CHD6: variants seen among roughly 807,000 people sequenced by gnomAD.
The protein encoded by CHD6 is ATP-dependent chromatin remodeler CHD6.
CHD6 carries 50 observed loss-of-function variants against 276.9 expected under a neutral mutation model. The observed-to-expected ratio is 0.18, with a 90% confidence interval of 0.14 to 0.23. CHD6 has a LOEUF of 0.23. Among genes scored for constraint, CHD6 ranks in the 10% least tolerant of loss-of-function variants. CHD6 has a pLI of 1.00. For synonymous variants in CHD6, 1,173 were observed against 1,229.3 expected (o/e 0.95, Z 0.96); for missense variants, 2,564 against 3,365.8 (o/e 0.76, Z 5.89).
intron 27 of CHD6, among the ~76,000 whole-genome samples, chr20:41,426,550 T>C (rs2047371612): frequency 6.6e-6 from 1 of 152,236 alleles, no homozygotes; most frequent in Non-Finnish European, 1.5e-5. Context: ...TGTGCCTGCA[T>C]TTCTGTTCTT....
Position 41,412,171 on chromosome 20 carries a change from AG to A in CHD6, c.7223del (p.Pro2408LeufsTer9). 6.2e-7 allele frequency: 1 copy of A among 1,614,216 alleles called. No individual in the cohort carries two copies. Among genetic ancestry groups the A allele is most frequent in the Non-Finnish European group, 8.5e-7 (1 of 1,180,022 alleles). ...TCAGTCCTGGCTCCTTGGGGATGGC[AG>A]GAACTCTCTCTTCCCCGCTCAGGGA... ...VSSLSGEERVPAIPKEPGLRG... is the reference protein window; with the variant it reads ...VSSLSGEERVXAIPKEPGLRG... On this transcript the variant is annotated frameshift_variant, in exon 36 of 37. Coordinates refer to ENST00000373233, the MANE Select transcript of CHD6 (RefSeq NM_032221.5). LOFTEE classifies it high-confidence loss of function.
chr20:41,409,354 C>A (rs575418043), intron 36 of CHD6, among the ~76,000 whole-genome samples: 23 of 152,260 alleles, frequency 1.5e-4, no homozygotes, highest in Middle Eastern at 3.4e-3. Context: ...GAAAGGCCTG[C>A]GGAGGGGGCA....
intron 1 of CHD6, among the ~76,000 whole-genome samples, chr20:41,582,118 TCTCAA>T (rs2045546985): frequency 6.6e-6 from 1 of 152,066 alleles, no homozygotes; most frequent in Admixed American, 6.5e-5. Context: ...CATTAAATAA[TCTCAA>T]CTCAATTCAA....
In CHD6 at chr20:41,560,787, A is replaced by G. The variant is rs189392600; in HGVS notation, c.-23-9427T>C. On this transcript the variant is annotated intron_variant, in intron 1 of 36. Transcript: ENST00000373233. ...GTATTCTTCCTTCACACCTTTTCAA[A>G]TACATGTACTTAGCTTAAGAATTCA... 1.4e-3 allele frequency among the ~76,000 whole-genome samples: 212 copies of G among 151,602 alleles called. 1 individual carries two copies. In the Middle Eastern group the frequency reaches 0.02, roughly 15 times the overall value.
chr20:41,413,295 G>A (rs2046897418), intron 35 of CHD6, 29 bp downstream of exon 35: 1 of 1,508,798 alleles, frequency 6.6e-7, no homozygotes, highest in African/African-American at 1.4e-5. Context: ...AGTAAACAGT[G>A]ATCTCAGGCA....
chr20:41,558,139 T>C (rs573280113), intron 1 of CHD6, among the ~76,000 whole-genome samples: 1 of 152,180 alleles, frequency 6.6e-6, no homozygotes, highest in African/African-American at 2.4e-5. Context: ...ATCCCCCAAC[T>C]TCCCATTTCC....
chr20:41,572,531 T>C (rs1366358202), intron 1 of CHD6, among the ~76,000 whole-genome samples: 1 of 152,130 alleles, frequency 6.6e-6, no homozygotes, highest in Non-Finnish European at 1.5e-5. Flanking sequence ...CATGTACCAC[T>C]TCCCTCTGCA....
At chr20:41,474,953 T>G (rs989670363) in intron 16 of CHD6, among the ~76,000 whole-genome samples, 1 of 152,170 alleles carries the variant, frequency 6.6e-6, no homozygotes, top group Non-Finnish European at 1.5e-5. Flanking sequence ...TTCCTCTTTA[T>G]TTAAAATTAT....
intron 16 of CHD6, among the ~76,000 whole-genome samples, chr20:41,478,034 T>C (rs1382624757): frequency 1.3e-5 from 2 of 152,090 alleles, no homozygotes; most frequent in Non-Finnish European, 2.9e-5. Flanking sequence ...CACAATTAGC[T>C]CTAAATACAG....
chr20:41,585,511 CAAA>C (rs60920576), intron 1 of CHD6, among the ~76,000 whole-genome samples: 2 of 74,246 alleles, frequency 2.7e-5, no homozygotes, highest in African/African-American at 4.1e-5. Context: ...TCCGTCTCAC[CAAA>C]AAAAAAAAAA....
intron 2 of CHD6, among the ~76,000 whole-genome samples, chr20:41,537,319 C>A (rs2044853307): frequency 6.6e-6 from 1 of 152,012 alleles, no homozygotes; most frequent in Non-Finnish European, 1.5e-5. Flanking sequence ...GACAATACAA[C>A]AATAAAAATA....
intron 5 of CHD6, among the ~76,000 whole-genome samples, chr20:41,501,272 G>A (rs569852943): frequency 2.0e-5 from 3 of 152,272 alleles, no homozygotes; most frequent in South Asian, 4.2e-4. Flanking sequence ...TAGTTACTGA[G>A]GTATGGCATA....
At chr20:41,540,752 G>A (rs2044925925) in intron 2 of CHD6, among the ~76,000 whole-genome samples, 1 of 152,186 alleles carries the variant, frequency 6.6e-6, no homozygotes, top group African/African-American at 2.4e-5. Context: ...GCAGGGAGAA[G>A]ATGGTGTTCT....
chr20:41,404,453 A>G lies in CHD6; in HGVS notation c.*140T>C, dbSNP rs994715989. ...CCTGCAACTATTAACATCTGTTACC[A>G]TAGTTCTCAGACAGGAAATCAGGTA... is the stretch of plus-strand genomic sequence containing the variant. On this transcript the variant is annotated 3_prime_UTR_variant, in exon 37 of 37. Coordinates refer to ENST00000373233, the MANE Select transcript of CHD6 (RefSeq NM_032221.5). 1.5e-6 allele frequency: 2 copies of G among 1,361,414 alleles called. No individual in the cohort carries two copies. The highest frequency in any genetic ancestry group is 1.5e-5 in the African/African-American group (1 of 68,926). 84.3% of individuals were successfully genotyped at this position (1,361,414 alleles called of 1,614,324 possible).
At chr20:41,448,019 G>C in intron 23 of CHD6, 48 bp from the exon 24 acceptor site, 1 of 1,106,276 alleles carries the variant, frequency 9.0e-7, no homozygotes, top group Non-Finnish European at 1.3e-6. Context: ...ACCCATAACT[G>C]TCTGTGAACC....
chr20:41,488,358 G>A, intron 13 of CHD6, 70 bp downstream of exon 13: 2 of 1,353,068 alleles, frequency 1.5e-6, no homozygotes, highest in Non-Finnish European at 2.0e-6. Flanking sequence ...CATGCAGAAT[G>A]GCTAAAGAGT....
At chr20:41,583,511 C>T (rs894966085) in intron 1 of CHD6, among the ~76,000 whole-genome samples, 1 of 152,104 alleles carries the variant, frequency 6.6e-6, no homozygotes. Context: ...ACCTGCACTA[C>T]AAGAAATGGT....
intron 3 of CHD6, among the ~76,000 whole-genome samples, chr20:41,516,683 C>G (rs2044260787): frequency 6.6e-6 from 1 of 152,010 alleles, no homozygotes; most frequent in African/African-American, 2.4e-5. Context: ...GTCTGGATAA[C>G]AGGGCAAGTG....
intron 11 of CHD6, among the ~76,000 whole-genome samples, chr20:41,490,987 A>C (rs564738168): frequency 4.9e-4 from 75 of 152,174 alleles, no homozygotes; most frequent in Non-Finnish European, 8.7e-4. Context: ...ATACCTATAC[A>C]GGGGACTTAC....
Sources: allele counts gnomAD v4.1 joint callset (sites outside exome capture counted in the v4.1 genomes callset), GRCh38; gene constraint gnomAD v4.1.1; transcripts MANE v1.5; gene names NCBI Gene and HGNC (gene_info 2026-07-23, HGNC 2026-07-21).